ATRNL1: variants seen among roughly 807,000 people sequenced by gnomAD.
The protein encoded by ATRNL1 is attractin like 1.
In ATRNL1, 95 loss-of-function variants were observed where a neutral mutation model predicts 182.7. The ratio of observed to expected loss-of-function variants is 0.52; its 90% CI spans 0.44 to 0.62. ATRNL1 has a LOEUF of 0.62. Among genes scored for constraint, ATRNL1 ranks in the 20% least tolerant of loss-of-function variants. ATRNL1 has a pLI of 0.00. For missense variants in ATRNL1, 1,471 were observed against 1,679.5 expected (o/e 0.88, Z 2.17); for synonymous variants, 576 against 568.3 (o/e 1.01, Z -0.19).
Position 115,120,247 on chromosome 10 carries a change from G to T in ATRNL1, c.356G>T (p.Cys119Phe). ...GPINYKYKTK[C>F]TWLIEGYPNA... ...ATTAACTATAAATATAAAACTAAAT[G>T]TACTTGGCTCATTGAAGGCTAGTAA... Residue 119 changes from cysteine to phenylalanine, a missense_variant, in exon 2 of 29, where the codon TGT (cysteine) becomes TTT (phenylalanine). Around this residue, in one of 3 missense-constraint regions of ATRNL1, gnomAD observed 1,031 missense variants for 1,156.0 expected, o/e 0.89. Coordinates refer to ENST00000355044, the MANE Select transcript of ATRNL1 (RefSeq NM_207303.4). The T allele has an allele frequency of 6.4e-7, 1 of 1,570,774 alleles. No homozygotes were observed.
intron 1 of ATRNL1, among the ~76,000 whole-genome samples, chr10:115,112,734 A>G (rs1257319518): frequency 6.6e-6 from 1 of 152,218 alleles, no homozygotes; most frequent in East Asian, 1.9e-4. Flanking sequence ...TGAAGCCTGC[A>G]GCAGGAGACT....
At chr10:115,772,239 C>T (rs1045547818) in intron 27 of ATRNL1, among the ~76,000 whole-genome samples, 3 of 152,178 alleles carry the variant, frequency 2.0e-5, no homozygotes, top group African/African-American at 7.2e-5. Flanking sequence ...ACAATATTCA[C>T]AATGGCATTT....
chr10:115,587,122 C>T (rs1855567022), intron 26 of ATRNL1, among the ~76,000 whole-genome samples: 1 of 148,854 alleles, frequency 6.7e-6, no homozygotes, highest in South Asian at 2.2e-4. Context: ...CTCAGATCTC[C>T]AGCTGCGTAC....
chr10:115,396,616 T>C (rs1412788488), intron 20 of ATRNL1, among the ~76,000 whole-genome samples: 2 of 151,960 alleles, frequency 1.3e-5, no homozygotes, highest in Non-Finnish European at 2.9e-5. Context: ...TGTGCAGCAA[T>C]GAAAATATTT....
At chr10:115,706,375 A>G (rs892152636) in intron 26 of ATRNL1, among the ~76,000 whole-genome samples, 1 of 151,868 alleles carries the variant, frequency 6.6e-6, no homozygotes. Flanking sequence ...TGATCCAGGA[A>G]AAAATCCCCA....
At chr10:115,419,189 T>A in intron 20 of ATRNL1, among the ~76,000 whole-genome samples, 1 of 152,186 alleles carries the variant, frequency 6.6e-6, no homozygotes, top group East Asian at 1.9e-4. Context: ...TCCTTTGCGA[T>A]CAAAATTAAG....
At chr10:115,118,339 T>G (rs554721282) in intron 1 of ATRNL1, among the ~76,000 whole-genome samples, 43 of 152,206 alleles carry the variant, frequency 2.8e-4, no homozygotes, top group Admixed American at 1.8e-3. Context: ...CTTAACTACC[T>G]GTTATTATGC....
chr10:115,096,833 T>C (rs1412387386), intron 1 of ATRNL1: 1 of 1,141,140 alleles, frequency 8.8e-7, no homozygotes, highest in East Asian at 6.6e-5. Flanking sequence ...ATTCCTTCCT[T>C]ACACAGGTAA....
At chr10:115,201,588 A>G (rs1421491538) in intron 8 of ATRNL1, among the ~76,000 whole-genome samples, 2 of 152,082 alleles carry the variant, frequency 1.3e-5, no homozygotes, top group Non-Finnish European at 2.9e-5. Context: ...CCATTGATCT[A>G]TATCTCTGTT....
intron 13 of ATRNL1, among the ~76,000 whole-genome samples, chr10:115,269,842 T>G (rs191451881): frequency 2.6e-5 from 4 of 151,962 alleles, no homozygotes; most frequent in African/African-American, 9.7e-5. Context: ...TTAAAAAAAT[T>G]CTTCACTAAT....
Position 115,172,755 on chromosome 10 carries a change from C to T in ATRNL1, c.1348+1463C>T, listed in dbSNP as rs78690013. Among the ~76,000 whole-genome samples the T allele has an allele frequency of 3.8e-3, 580 of 151,860 alleles. 14 individuals are homozygous for T. The East Asian group carries it at 0.061, about 16-fold the overall frequency. ...ACTCTTTTTTTGTCCATATTTCTAACCCTACCTTTTTAATCCATACTTCTA... is the reference window on the plus strand; with the variant it reads ...ACTCTTTTTTTGTCCATATTTCTAATCCTACCTTTTTAATCCATACTTCTA... On this transcript the variant is annotated intron_variant, in intron 8 of 28. Coordinates refer to ENST00000355044, the MANE Select transcript of ATRNL1 (RefSeq NM_207303.4).
At chr10:115,723,225 G>T (rs1947485743) in intron 26 of ATRNL1, among the ~76,000 whole-genome samples, 2 of 152,146 alleles carry the variant, frequency 1.3e-5, no homozygotes, top group South Asian at 4.1e-4. Flanking sequence ...GACATTTGAA[G>T]GTGGAGGAGA....
chr10:115,634,692 ATATT>A (rs1858747364), intron 26 of ATRNL1, among the ~76,000 whole-genome samples: 1 of 152,164 alleles, frequency 6.6e-6, no homozygotes, highest in Non-Finnish European at 1.5e-5. Flanking sequence ...AATATTTAAA[ATATT>A]TATATGATTT....
chr10:115,537,544 C>G (rs1466842867), intron 25 of ATRNL1, among the ~76,000 whole-genome samples: 4 of 152,132 alleles, frequency 2.6e-5, no homozygotes, highest in Non-Finnish European at 5.9e-5. Flanking sequence ...GTAATTTAAA[C>G]ATAAATTATT....
chr10:115,778,290 C>A (rs782512288), intron 27 of ATRNL1, among the ~76,000 whole-genome samples: 1 of 151,832 alleles, frequency 6.6e-6, no homozygotes, highest in Non-Finnish European at 1.5e-5. Context: ...CAAGAGTATG[C>A]CAGGCTAGTC....
chr10:115,543,963 C>A (rs1021992785), intron 25 of ATRNL1, among the ~76,000 whole-genome samples: 8 of 152,014 alleles, frequency 5.3e-5, no homozygotes, highest in African/African-American at 1.9e-4. Flanking sequence ...GGGTGTTGAA[C>A]CTTTCAGATC....
chr10:115,821,985 C>T (rs1555090552), intron 27 of ATRNL1, among the ~76,000 whole-genome samples: 1 of 152,186 alleles, frequency 6.6e-6, no homozygotes, highest in African/African-American at 2.4e-5. Flanking sequence ...ACAATCTACT[C>T]AGCACCACAT....
intron 26 of ATRNL1, among the ~76,000 whole-genome samples, chr10:115,626,726 T>A (rs2133819046): frequency 6.6e-6 from 1 of 152,316 alleles, no homozygotes; most frequent in South Asian, 2.1e-4. Context: ...ATTGTCACAG[T>A]AAAGAAAATA....
chr10:115,527,146 G>A (rs2133728122), intron 25 of ATRNL1, among the ~76,000 whole-genome samples: 1 of 145,172 alleles, frequency 6.9e-6, no homozygotes, highest in South Asian at 2.2e-4. Flanking sequence ...CCGAGATAGG[G>A]TCTCACTCTG....
Sources: gnomAD v4.1 joint callset for allele counts (sites outside exome capture counted in the v4.1 genomes callset) on GRCh38, gnomAD v4.1.1 for gene constraint, gnomAD v4.1.1 regional missense constraint, MANE v1.5 for transcripts, NCBI Gene and HGNC (gene_info 2026-07-23, HGNC 2026-07-21) for gene names.